Variants in NR5A1 observed in about 807,000 individuals in gnomAD.
The protein encoded by NR5A1 is steroidogenic factor 1.
Under a neutral mutation model 42.7 loss-of-function variants are expected in NR5A1, and 6 were observed. The observed-to-expected ratio is 0.14, with a 90% CI of 0.08 to 0.28. NR5A1 has a LOEUF of 0.28. NR5A1 is among the 10% of genes least tolerant of loss of function. The pLI is 1.00. For missense variants in NR5A1, 442 were observed against 626.4 expected, an observed-to-expected ratio of 0.71 and a Z score of 3.14; for synonymous variants, 274 against 277.5, an observed-to-expected ratio of 0.99 and a Z score of 0.12.
intron 6 of NR5A1, among the ~76,000 whole-genome samples, chr9:124,485,778 T>A (rs1832198896): frequency 6.6e-6 from 1 of 152,266 alleles, no homozygotes; most frequent in African/African-American, 2.4e-5. Context: ...CCAGACATAT[T>A]CAAAGGTCAT....
At chr9:124,502,430 A>G (rs1443116481) in intron 3 of NR5A1, among the ~76,000 whole-genome samples, 2 of 151,988 alleles carry the variant, frequency 1.3e-5, no homozygotes, top group Non-Finnish European at 2.9e-5. Context: ...TCCAGGCTCA[A>G]GTGATCCCCC....
intron 1 of NR5A1, among the ~76,000 whole-genome samples, chr9:124,506,445 C>G (rs1436513467): frequency 1.3e-5 from 2 of 152,120 alleles, no homozygotes; most frequent in African/African-American, 4.8e-5. Flanking sequence ...TGAACAGCTC[C>G]CCACCACAAT....
chr9:124,501,084 G>A lies in NR5A1; in HGVS notation c.245-369C>T, dbSNP rs948423446. On this transcript the variant is annotated intron_variant, in intron 3 of 6. Transcript: ENST00000373588. The surrounding 1 kb of genome is among the most constrained non-coding windows in gnomAD (Gnocchi z 4.1). The stretch of plus-strand genomic sequence containing the variant: ...TCACTACTTCCAGGAAGCACTCCTG[G>A]ATTCATGCAAACGGGCTCTACTGTC... The A allele has an allele frequency of 7.6e-6, 4 of 528,974 alleles. No homozygotes were observed. The African/African-American group carries it at 7.6e-5, about 10-fold the overall frequency. The allele number at this position is 528,974 out of a possible 1,614,324, so 32.8% of individuals were successfully genotyped here. A position where few individuals can be genotyped will look rare whatever the true frequency, so the allele number is the denominator to read the frequency against.
rs1395541960 is a variant in NR5A1 at position 124,482,292 on chromosome 9, G to T, written c.*466C>A. On this transcript the variant is annotated 3_prime_UTR_variant, in exon 7 of 7. Transcript: ENST00000373588. ...AGAGGCTCTCCCTCCTGGTCTCTAT[G>T]GGGGGAACACTGGAGACCCTCTCTC... 1 of 253,812 alleles carries T rather than the reference G, an allele frequency of 3.9e-6. No homozygotes were observed. The highest frequency in any genetic ancestry group is 7.8e-6 in the Non-Finnish European group (1 of 127,980). 15.7% of individuals were successfully genotyped at this position (253,812 alleles called of 1,614,324 possible).
rs755459988 is a variant in NR5A1, at chr9:124,500,347, G to C, written c.613C>G (p.Pro205Ala). The C allele has an allele frequency of 6.4e-7, 1 of 1,556,590 alleles. No individual in the cohort carries two copies. The highest frequency in any genetic ancestry group is 1.2e-5 in the South Asian group (1 of 84,852). ...SEYPEPYASP[P>A]QPGLPYGYPE... Reference sequence around the variant, plus strand: ...TAGCCGTACGGCAGCCCAGGCTGTGGGGGGCTGGCATAAGGCTCCGGGTAC... The same window carrying C: ...TAGCCGTACGGCAGCCCAGGCTGTGCGGGGCTGGCATAAGGCTCCGGGTAC... Residue 205 changes from proline to alanine, a missense_variant, in exon 4 of 7, where the codon CCA (proline) becomes GCA (alanine). By Grantham distance (27) the Pro-to-Ala change is conservative (BLOSUM62 -1). This residue lies in a region of NR5A1 where 208 missense variants were observed against 203.8 expected (regional missense o/e 1.02). Transcript: ENST00000373588. The surrounding 1 kb of genome is among the most constrained non-coding windows in gnomAD (Gnocchi z 6.9).
intron 4 of NR5A1, among the ~76,000 whole-genome samples, chr9:124,495,459 C>A (rs1483160612): frequency 6.6e-6 from 1 of 152,244 alleles, no homozygotes; most frequent in Non-Finnish European, 1.5e-5. Flanking sequence ...GGGCTTCAGG[C>A]AGCTGGGCTC....
chr9:124,502,343 A>G (rs1159024785), intron 3 of NR5A1, among the ~76,000 whole-genome samples: 1 of 150,484 alleles, frequency 6.6e-6, no homozygotes, highest in Non-Finnish European at 1.5e-5. Flanking sequence ...TTATGTACTT[A>G]TTTTTTGAGA....
At chr9:124,507,135 C>T (rs1469439479) in intron 1 of NR5A1, 114 bp downstream of exon 1, 1 of 152,454 alleles carries the variant, frequency 6.6e-6, no homozygotes, top group Non-Finnish European at 1.5e-5. Flanking sequence ...CTTCCCTGCC[C>T]AGAGCAGGGG....
chr9:124,491,036 C>CCCCCCCCGGGGG, intron 6 of NR5A1, 45 bp downstream of exon 6: 120 of 1,401,426 alleles, frequency 8.6e-5, no homozygotes, highest in Middle Eastern at 2.6e-4. Context: ...CCCACCCACC[C>CCCCCCCCGGGGG]GCCTCTGGCT....
At position 124,492,356 on chromosome 9, in the gene NR5A1, C is replaced by CATG. The variant is rs1832328931; in HGVS notation, c.990+673_990+674insCAT. Among the ~76,000 whole-genome samples, 5 of 151,556 alleles carry CATG rather than the reference C, an allele frequency of 3.3e-5. 1 individual carries two copies. In the South Asian group the frequency reaches 1.0e-3, roughly 32 times the overall value. Reference sequence around the variant, plus strand: ...CTCCCATCCTGACCCCTCCGCCTGCCTCCTCAGATACCACCTGGCCATGTC... The same window carrying CATG: ...CTCCCATCCTGACCCCTCCGCCTGCCATGTCCTCAGATACCACCTGGCCATGTC... On this transcript the variant is annotated intron_variant, in intron 5 of 6. Transcript: ENST00000373588.
Position 124,500,843 on chromosome 9 carries a change from T to A in NR5A1, c.245-128A>T. On this transcript the variant is annotated intron_variant, in intron 3 of 6. Transcript: ENST00000373588. This position sits in a 1 kb window ranked among gnomAD's most constrained non-coding sequence, Gnocchi z 6.9. ...CTCAACACCCTTTCATGGCTCCCACTGACCACAGGGGAAGTCAGTCTCCTT... is the reference window on the plus strand; with the variant it reads ...CTCAACACCCTTTCATGGCTCCCACAGACCACAGGGGAAGTCAGTCTCCTT... 7.0e-7 allele frequency: 1 copy of A among 1,426,256 alleles called. No individual in the cohort carries two copies. The highest frequency in any genetic ancestry group is 9.8e-7 in the Non-Finnish European group (1 of 1,021,452). The allele number at this position is 1,426,256 out of a possible 1,614,324, so 88.4% of individuals were successfully genotyped here. A position where few individuals can be genotyped will look rare whatever the true frequency, so the allele number is the denominator to read the frequency against.
At chr9:124,490,322 C>T (rs1254764056) in intron 6 of NR5A1, among the ~76,000 whole-genome samples, 10 of 152,200 alleles carry the variant, frequency 6.6e-5, no homozygotes, top group Non-Finnish European at 1.3e-4. Flanking sequence ...ACAGCTATGT[C>T]CTCAGCATCT....
chr9:124,482,920 G>A lies in NR5A1; in HGVS notation c.1224C>T (p.His408=), dbSNP rs774267031. The A allele has an allele frequency of 5.0e-6, 8 of 1,614,112 alleles. No homozygotes were observed. The highest frequency in any genetic ancestry group is 1.3e-5 in the African/African-American group (1 of 74,940). The change falls in exon 7 of 7, where the codon CAC becomes CAT. Residue 408 remains histidine (H), a synonymous_variant. Transcript: ENST00000373588. Reference sequence around the variant, plus strand: ...GGAATTTGTCCCCGCAGTGCGGGTAGTGGCACAGGGTGTAGTCAAGCAGGG... The same window carrying A: ...GGAATTTGTCCCCGCAGTGCGGGTAATGGCACAGGGTGTAGTCAAGCAGGG... ...NAALLDYTLC[H]YPHCGDKFQQ...
rs1034944720 is a variant in NR5A1 at position 124,489,567 on chromosome 9, C to T, written c.1138+1514G>A. Among the ~76,000 whole-genome samples, 103 of 152,352 alleles carry T rather than the reference C, an allele frequency of 6.8e-4. 1 individual carries two copies. The highest frequency in any genetic ancestry group is 2.4e-3 in the African/African-American group (101 of 41,568). ...ACGCCCCAACCACACAGACCCCCAC[C>T]ACGCACATCTGTGACTCTATCCTGT... On this transcript the variant is annotated intron_variant, in intron 6 of 6. Coordinates refer to ENST00000373588, the MANE Select transcript of NR5A1 (RefSeq NM_004959.5).
intron 3 of NR5A1, among the ~76,000 whole-genome samples, chr9:124,502,655 C>T (rs1332616219): frequency 6.6e-6 from 1 of 152,192 alleles, no homozygotes; most frequent in South Asian, 2.1e-4. Flanking sequence ...GGGAAATCTG[C>T]GGTTTAGAGA....
chr9:124,491,036 C>CCCCCCCCGCGG, intron 6 of NR5A1, 45 bp downstream of exon 6: 3 of 1,401,600 alleles, frequency 2.1e-6, no homozygotes, highest in Non-Finnish European at 2.9e-6. Flanking sequence ...CCCACCCACC[C>CCCCCCCCGCGG]GCCTCTGGCT....
At position 124,500,271 on chromosome 9, in the gene NR5A1, A is replaced by T. The variant is rs1832446408; in HGVS notation, c.689T>A (p.Leu230Gln). The T allele has an allele frequency of 6.3e-7, 1 of 1,584,480 alleles. No individual in the cohort carries two copies. ...GPNVPELILQLLQLEPDEDQV... is the reference protein window; with the variant it reads ...GPNVPELILQQLQLEPDEDQV... ...GTCCTCATCCGGCTCCAGCTGCAGC[A>T]GCTGCAGGATGAGCTCAGGCACGTT... The change falls in exon 4 of 7, where the codon CTG (leucine) becomes CAG (glutamine). Residue 230 changes from leucine to glutamine, a missense_variant. Leu to Gln is a moderately radical substitution (Grantham distance 113, BLOSUM62 -2). Around this residue, in one of 3 missense-constraint regions of NR5A1, gnomAD observed 208 missense variants for 203.8 expected, o/e 1.02. Transcript: ENST00000373588. This position sits in a 1 kb window ranked among gnomAD's most constrained non-coding sequence, Gnocchi z 6.9.
chr9:124,482,719 A>AG lies in NR5A1; in HGVS notation c.*38dup, dbSNP rs1489878065. The AG allele has an allele frequency of 3.1e-5, 3 of 95,478 alleles. No homozygotes were observed. The highest frequency in any genetic ancestry group is 5.5e-5 in the South Asian group (1 of 18,310). 5.9% of individuals were successfully genotyped at this position (95,478 alleles called of 1,614,324 possible). On this transcript the variant is annotated 3_prime_UTR_variant, in exon 7 of 7. Coordinates refer to ENST00000373588, the MANE Select transcript of NR5A1 (RefSeq NM_004959.5). ...GCGGCCCCGCCCAGGCCCCGCCCCC[A>AG]GTCCCGCCCCCAGTCCCGGCCCCGC...
In NR5A1 at chr9:124,491,867, T is replaced by C. The variant is rs182201355; in HGVS notation, c.991-639A>G. On this transcript the variant is annotated intron_variant, in intron 5 of 6. Coordinates refer to ENST00000373588, the MANE Select transcript of NR5A1 (RefSeq NM_004959.5). ...CCCACACACTGATGTGTGTGGAGAT[T>C]TTGCACAATAAAACACAGGCAGGCA... Among the ~76,000 whole-genome samples the C allele has an allele frequency of 3.5e-3, 520 of 149,376 alleles. 6 individuals carry two copies. Among genetic ancestry groups the C allele is most frequent in the African/African-American group, 0.012 (466 of 40,310 alleles).
Sources: allele counts gnomAD v4.1 joint callset (sites outside exome capture counted in the v4.1 genomes callset), GRCh38; gene constraint gnomAD v4.1.1; regional missense constraint gnomAD v4.1.1; non-coding constraint Gnocchi (gnomAD v3.1); transcripts MANE v1.5; gene names NCBI Gene and HGNC (gene_info 2026-07-23, HGNC 2026-07-21).